The following SLC2A2 variants were observed in gnomAD, a reference collection of about 807,000 sequenced individuals.
SLC2A2 encodes solute carrier family 2 member 2, also known as solute carrier family 2, facilitated glucose transporter member 2.
SLC2A2 carries 36 observed loss-of-function variants against 54.5 expected under a neutral mutation model. That is an observed-to-expected ratio of 0.66 (90% CI 0.51 to 0.87). The LOEUF (loss-of-function observed/expected upper bound fraction) is 0.87. Ranked by LOEUF, SLC2A2 falls within the 40% of genes least tolerant of loss-of-function variation. The pLI, the probability that SLC2A2 is intolerant of heterozygous loss-of-function variation, is 0.00. For synonymous variants in SLC2A2, 223 were observed against 219.1 expected (o/e 1.02, Z -0.16); for missense variants, 543 against 624.3 (o/e 0.87, Z 1.39).
intron 2 of SLC2A2, among the ~76,000 whole-genome samples, chr3:171,017,045 T>C (rs1576840672): frequency 6.6e-6 from 1 of 151,470 alleles, no homozygotes; most frequent in East Asian, 1.9e-4. Context: ...AGAGACAGGG[T>C]TTCTCCATGT....
chr3:171,021,243 T>C (rs1354149773), intron 1 of SLC2A2, among the ~76,000 whole-genome samples: 1 of 152,156 alleles, frequency 6.6e-6, no homozygotes, highest in Non-Finnish European at 1.5e-5. Context: ...GTGGTAGCCA[T>C]TGTCAGAAGT....
At chr3:171,014,088 A>C (rs1387165366) in intron 3 of SLC2A2, among the ~76,000 whole-genome samples, 22 of 152,224 alleles carry the variant, frequency 1.4e-4, no homozygotes, top group Admixed American at 1.4e-3. Context: ...TGTTTGAGAC[A>C]TAGTGTGATT....
At position 171,009,914 on chromosome 3, in the gene SLC2A2, T is replaced by G. The variant is rs3138708; in HGVS notation, c.496+44A>C. 0.03 allele frequency: 9,585 copies of G among 323,294 alleles called. 93 individuals are homozygous for G. The highest frequency in any genetic ancestry group is 0.18 in the African/African-American group (3,461 of 19,606). 20.0% of individuals were successfully genotyped at this position (323,294 alleles called of 1,614,324 possible). On this transcript the variant is annotated intron_variant, in intron 4 of 10. Coordinates refer to ENST00000314251, the MANE Select transcript of SLC2A2 (RefSeq NM_000340.2). ...AGAGTTACTTTCAGACAAAGGTAGGTGTGTGTGTGTGTGTGTGTGTGTGTG... is the reference window on the plus strand; with the variant it reads ...AGAGTTACTTTCAGACAAAGGTAGGGGTGTGTGTGTGTGTGTGTGTGTGTG...
intron 2 of SLC2A2, 134 bp from the exon 3 acceptor site, chr3:171,014,865 G>T (rs545473682): frequency 8.2e-6 from 6 of 728,790 alleles, no homozygotes; most frequent in South Asian, 7.0e-5. Flanking sequence ...AACATGGATA[G>T]ATTTGTTTAC....
chr3:171,005,559 G>T (rs769363884), intron 6 of SLC2A2, 87 bp from the exon 7 acceptor site: 10 of 1,058,396 alleles, frequency 9.4e-6, no homozygotes, highest in Non-Finnish European at 1.3e-5. Context: ...CTACATTTCT[G>T]CATGCCCCAT....
rs373155323 is a variant in SLC2A2 at position 170,999,170 on chromosome 3, G to A, written c.1069-4C>T. 5 of 1,578,020 alleles carry A rather than the reference G, an allele frequency of 3.2e-6. No individual in the cohort carries two copies. On this transcript the variant is annotated splice_region_variant and splice_polypyrimidine_tract_variant and intron_variant, in intron 8 of 10. Coordinates refer to ENST00000314251, the MANE Select transcript of SLC2A2 (RefSeq NM_000340.2). ...CTGCCTTCTCCACAAGGAATACCTA[G>A]GACAATTTTAAAGAAATTATCTCAG...
intron 2 of SLC2A2, among the ~76,000 whole-genome samples, chr3:171,016,926 C>T (rs1006609458): frequency 1.6e-4 from 24 of 149,958 alleles, no homozygotes; most frequent in African/African-American, 4.4e-4. Context: ...GATTGCAGCT[C>T]ATCGCAACCT....
intron 8 of SLC2A2, among the ~76,000 whole-genome samples, chr3:171,001,948 T>C (rs1015464058): frequency 6.6e-6 from 1 of 151,700 alleles, no homozygotes; most frequent in African/African-American, 2.4e-5. Context: ...AAGAAAACAA[T>C]AACATTTCTA....
At chr3:170,998,163 A>C in intron 10 of SLC2A2, 30 bp downstream of exon 10, 1 of 1,613,364 alleles carries the variant, frequency 6.2e-7, no homozygotes, top group Non-Finnish European at 8.5e-7. Context: ...TCTTCTGTTC[A>C]GTAAATCTGT....
chr3:171,018,242 A>G (rs1481904418), intron 2 of SLC2A2, among the ~76,000 whole-genome samples: 1 of 150,798 alleles, frequency 6.6e-6, no homozygotes, highest in Non-Finnish European at 1.5e-5. Flanking sequence ...TTTTTTTTCT[A>G]AAGTATCCTT....
At chr3:171,012,179 G>C (rs568594502) in intron 3 of SLC2A2, among the ~76,000 whole-genome samples, 1 of 152,008 alleles carries the variant, frequency 6.6e-6, no homozygotes, top group African/African-American at 2.4e-5. Context: ...TAAATGTCAG[G>C]CATTGTTTTA....
At chr3:170,998,590 G>A (rs1715203867) in intron 9 of SLC2A2, among the ~76,000 whole-genome samples, 194 bp from the exon 10 acceptor site, 1 of 152,132 alleles carries the variant, frequency 6.6e-6, no homozygotes, top group African/African-American at 2.4e-5. Flanking sequence ...TTTCTTATAA[G>A]GAAATCCTCT....
intron 8 of SLC2A2, among the ~76,000 whole-genome samples, chr3:171,000,913 T>A (rs1254011356): frequency 6.6e-6 from 1 of 152,078 alleles, no homozygotes; most frequent in Non-Finnish European, 1.5e-5. Flanking sequence ...CTTTTTGAAC[T>A]TTAAAACAAT....
intron 8 of SLC2A2, 116 bp downstream of exon 8, chr3:171,002,460 A>T (rs980520546): frequency 9.6e-6 from 7 of 730,420 alleles, no homozygotes; most frequent in African/African-American, 1.7e-5. Context: ...GGGTTTACAC[A>T]CTTAGAGCAT....
intron 7 of SLC2A2, 97 bp from the exon 8 acceptor site, chr3:171,002,777 C>G (rs1277633473): frequency 2.1e-5 from 16 of 771,596 alleles, no homozygotes; most frequent in Admixed American, 1.2e-4. Context: ...TTAGTTGTTT[C>G]TATAGCGGCA....
At chr3:171,006,723 G>A (rs1286795099) in intron 5 of SLC2A2, among the ~76,000 whole-genome samples, 1 of 152,008 alleles carries the variant, frequency 6.6e-6, no homozygotes, top group Admixed American at 6.6e-5. Flanking sequence ...AGTTCCTGTG[G>A]CAATCACTTA....
intron 1 of SLC2A2, among the ~76,000 whole-genome samples, chr3:171,018,913 C>T (rs1270622479): frequency 6.6e-6 from 1 of 151,796 alleles, no homozygotes; most frequent in Non-Finnish European, 1.5e-5. Flanking sequence ...TAGCATACCT[C>T]TCCTGACTAT....
Position 170,998,286 on chromosome 3 carries a change from GA to G in SLC2A2, c.1280del (p.Phe427SerfsTer10), listed in dbSNP as rs1386374799. On this transcript the variant is annotated frameshift_variant, in exon 10 of 11. Transcript: ENST00000314251. LOFTEE classifies it high-confidence loss of function. ...AAGCAGCAGGACGTGGTCCTTGACTGAAAAACTCAGCCACCATGAACCAGGG... is the reference window on the plus strand; with the variant it reads ...AAGCAGCAGGACGTGGTCCTTGACTGAAAACTCAGCCACCATGAACCAGGG... ...PIPWFMVAEFFSQGPRPAALA... is the reference protein window; with the variant it reads ...PIPWFMVAEFXSQGPRPAALA... 2 of 1,613,768 alleles carry G rather than the reference GA, an allele frequency of 1.2e-6. No individual in the cohort carries two copies. Among genetic ancestry groups the G allele is most frequent in the Admixed American group, 3.3e-5 (2 of 59,926 alleles).
rs918121086 is a variant in SLC2A2 at position 171,007,136 on chromosome 3, G to C, written c.612+12C>G. 1 of 1,489,572 alleles carries C rather than the reference G, an allele frequency of 6.7e-7. No homozygotes were observed. The allele number at this position is 1,489,572 out of a possible 1,614,324, so 92.3% of individuals were successfully genotyped here. ...ATGGGTGCAGTAGGGGATAAGGATG[G>C]GGAGTTTTTACCTGACTAATAAGAA... On this transcript the variant is annotated intron_variant, in intron 5 of 10. Transcript: ENST00000314251.
Sources: allele counts gnomAD v4.1 joint callset (sites outside exome capture counted in the v4.1 genomes callset), GRCh38; gene constraint gnomAD v4.1.1; transcripts MANE v1.5; gene names NCBI Gene and HGNC (gene_info 2026-07-23, HGNC 2026-07-21).